Variants in DNAAF11 observed in about 807,000 individuals in gnomAD.
The protein encoded by DNAAF11 is dynein axonemal assembly factor 11.
DNAAF11 carries 45 observed loss-of-function variants against 60.8 expected under a neutral mutation model. The observed-to-expected ratio is 0.74, with a 90% CI of 0.58 to 0.95. DNAAF11 has a LOEUF of 0.95. Ranked by LOEUF, DNAAF11 falls within the 40% of genes least tolerant of loss-of-function variation. The probability of loss-of-function intolerance (pLI) is 0.00; values close to 1 mark genes in which losing one functional copy is unlikely to be tolerated. For synonymous variants in DNAAF11, 191 were observed against 183.5 expected, an observed-to-expected ratio of 1.04 and a Z score of -0.33; for missense variants, 546 against 546.2, an observed-to-expected ratio of 1.00 and a Z score of 0.00.
At chr8:132,661,266 G>A (rs1286002219) in intron 2 of DNAAF11, among the ~76,000 whole-genome samples, 194 bp downstream of exon 2, 1 of 151,760 alleles carries the variant, frequency 6.6e-6, no homozygotes, top group Admixed American at 6.6e-5. Flanking sequence ...CCAACTCCTT[G>A]CTGGAAATTG....
intron 1 of DNAAF11, 50 bp downstream of exon 1, chr8:132,675,434 C>G (rs766990018): frequency 1.3e-6 from 2 of 1,545,372 alleles, no homozygotes; most frequent in Non-Finnish European, 1.8e-6. Flanking sequence ...AGACCCGGGA[C>G]TACTTCCACA....
chr8:132,628,609 A>G (rs1297365114), intron 5 of DNAAF11, among the ~76,000 whole-genome samples: 1 of 152,048 alleles, frequency 6.6e-6, no homozygotes, highest in East Asian at 1.9e-4. Flanking sequence ...AATTCTCTGT[A>G]GTGTTTCTTC....
chr8:132,674,620 G>A (rs2130916760), intron 1 of DNAAF11, among the ~76,000 whole-genome samples: 1 of 152,336 alleles, frequency 6.6e-6, no homozygotes, highest in Middle Eastern at 3.4e-3. Flanking sequence ...CGGGCGCAGT[G>A]GCTCACGCCT....
intron 1 of DNAAF11, among the ~76,000 whole-genome samples, chr8:132,674,210 G>A (rs1825539054): frequency 2.0e-5 from 3 of 150,360 alleles, no homozygotes; most frequent in Admixed American, 2.0e-4. Context: ...AGGAGGAGAA[G>A]GAGGAGGAGG....
At chr8:132,663,993 G>C (rs1412294694) in intron 1 of DNAAF11, among the ~76,000 whole-genome samples, 11 of 152,248 alleles carry the variant, frequency 7.2e-5, no homozygotes, top group African/African-American at 1.9e-4. Context: ...CAGAGGGCAA[G>C]ATTTCCCCAA....
chr8:132,583,540 A>G (rs1195527334), intron 11 of DNAAF11, among the ~76,000 whole-genome samples, 154 bp downstream of exon 11: 1 of 152,218 alleles, frequency 6.6e-6, no homozygotes, highest in Non-Finnish European at 1.5e-5. Context: ...ACAAAGCAAG[A>G]GTCTACGGTT....
At chr8:132,645,827 T>C (rs1822322658) in intron 3 of DNAAF11, among the ~76,000 whole-genome samples, 1 of 152,142 alleles carries the variant, frequency 6.6e-6, no homozygotes, top group African/African-American at 2.4e-5. Flanking sequence ...CCAAGAAATA[T>C]GGGACTATGT....
At chr8:132,644,982 T>C (rs1225523838) in intron 3 of DNAAF11, among the ~76,000 whole-genome samples, 1 of 151,974 alleles carries the variant, frequency 6.6e-6, no homozygotes, top group African/African-American at 2.4e-5. Flanking sequence ...TTGAAGAGAG[T>C]AGTGGTCCTC....
chr8:132,644,296 T>C (rs960579947), intron 3 of DNAAF11, among the ~76,000 whole-genome samples: 1 of 152,124 alleles, frequency 6.6e-6, no homozygotes, highest in African/African-American at 2.4e-5. Context: ...ATATTCATAA[T>C]AACAAACGTA....
At chr8:132,572,685 TA>T (rs34229467) in intron 11 of DNAAF11, among the ~76,000 whole-genome samples, 1,542 of 132,660 alleles carry the variant, frequency 0.012, 11 homozygotes, top group African/African-American at 0.027. Flanking sequence ...AGAAAAGTTC[TA>T]AAAAAAAAAA....
At chr8:132,689,441 C>CA in the DNAAF11 span, among the ~76,000 whole-genome samples, 1 of 152,018 alleles carries the variant, frequency 6.6e-6, no homozygotes, top group Non-Finnish European at 1.5e-5. Flanking sequence ...TATATCATGT[C>CA]AAAAATACAA....
chr8:132,637,381 G>A (rs1386521295), intron 4 of DNAAF11, among the ~76,000 whole-genome samples: 1 of 152,076 alleles, frequency 6.6e-6, no homozygotes, highest in Non-Finnish European at 1.5e-5. Context: ...CGAGGCAGGT[G>A]GATCACCTGA....
the DNAAF11 span, among the ~76,000 whole-genome samples, chr8:132,682,898 CT>C: frequency 6.6e-6 from 1 of 152,082 alleles, no homozygotes; most frequent in African/African-American, 2.4e-5. Context: ...AGAGACAAGG[CT>C]TTTTTTAACA....
chr8:132,655,618 A>C (rs1235823276), intron 3 of DNAAF11, among the ~76,000 whole-genome samples: 1 of 152,202 alleles, frequency 6.6e-6, no homozygotes, highest in Non-Finnish European at 1.5e-5. Context: ...TTAACAGTAA[A>C]AAGACAAATA....
chr8:132,688,013 C>T, the DNAAF11 span, among the ~76,000 whole-genome samples: 1 of 152,156 alleles, frequency 6.6e-6, no homozygotes, highest in Non-Finnish European at 1.5e-5. Flanking sequence ...ATATCTACTC[C>T]ATTACCACTC....
chr8:132,615,201 A>G, intron 7 of DNAAF11, 104 bp from the exon 8 acceptor site: 1 of 587,074 alleles, frequency 1.7e-6, no homozygotes, highest in East Asian at 2.9e-5. Flanking sequence ...TTCTATAATA[A>G]TATCCAAAGA....
At chr8:132,634,055 A>G (rs1821057178) in intron 4 of DNAAF11, among the ~76,000 whole-genome samples, 1 of 152,230 alleles carries the variant, frequency 6.6e-6, no homozygotes, top group African/African-American at 2.4e-5. Flanking sequence ...GGAAAAAAAA[A>G]TACACACAAA....
At chr8:132,615,381 G>A (rs1819040044) in intron 7 of DNAAF11, among the ~76,000 whole-genome samples, 1 of 152,178 alleles carries the variant, frequency 6.6e-6, no homozygotes, top group Admixed American at 6.5e-5. Context: ...GACATCTGGT[G>A]GCTAAAGTTT....
chr8:132,576,221 T>G (rs1345204466), intron 11 of DNAAF11, among the ~76,000 whole-genome samples: 1 of 152,206 alleles, frequency 6.6e-6, no homozygotes, highest in Non-Finnish European at 1.5e-5. Flanking sequence ...AATTTTTCTT[T>G]AATTGCTATT....
Sources: gnomAD v4.1 joint callset for allele counts (sites outside exome capture counted in the v4.1 genomes callset) on GRCh38, gnomAD v4.1.1 for gene constraint, MANE v1.5 for transcripts, NCBI Gene and HGNC (gene_info 2026-07-23, HGNC 2026-07-21) for gene names.